The following ERBIN variants were observed in gnomAD, a reference collection of about 807,000 sequenced individuals.
ERBIN encodes erbb2 interacting protein.
ERBIN carries 60 observed loss-of-function variants against 158.4 expected under a neutral mutation model. That is an observed-to-expected ratio of 0.38 (90% CI 0.31 to 0.47). The LOEUF (loss-of-function observed/expected upper bound fraction) is 0.47. ERBIN is among the 20% of genes least tolerant of loss of function. The probability of loss-of-function intolerance (pLI) is 0.99; values close to 1 mark genes in which losing one functional copy is unlikely to be tolerated. For synonymous variants in ERBIN, 594 were observed against 557.2 expected, an observed-to-expected ratio of 1.07 and a Z score of -0.93; for missense variants, 1,610 against 1,648.0, an observed-to-expected ratio of 0.98 and a Z score of 0.40.
Position 66,043,213 on chromosome 5 carries a change from T to C in ERBIN, c.1428+15T>C, listed in dbSNP as rs946434109. 1 of 1,608,342 alleles carries C rather than the reference T, an allele frequency of 6.2e-7. No homozygotes were observed. Among genetic ancestry groups the C allele is most frequent in the Non-Finnish European group, 8.5e-7 (1 of 1,178,098 alleles). ...CACCTCCCAGGGTGAGTCTGTTCTT[T>C]ATTCTTTAAAATTTGAAACAAGTCT... On this transcript the variant is annotated intron_variant, in intron 16 of 25. Coordinates refer to ENST00000284037, the MANE Select transcript of ERBIN (RefSeq NM_001253697.2).
chr5:65,958,450 C>G (rs1747515846), intron 1 of ERBIN, among the ~76,000 whole-genome samples: 1 of 152,222 alleles, frequency 6.6e-6, no homozygotes, highest in African/African-American at 2.4e-5. Context: ...GAAACCCCGT[C>G]TCCACCAAAA....
chr5:66,016,615 C>CTTT lies in ERBIN; in HGVS notation c.533+1904_533+1906dup, dbSNP rs11323656. Among the ~76,000 whole-genome samples the CTTT allele has an allele frequency of 1.7e-3, 217 of 124,200 alleles. 2 individuals carry two copies. The highest frequency in any genetic ancestry group is 6.0e-3 in the African/African-American group (211 of 35,038). The allele number at this position is 124,200 out of a possible 152,430, so 81.5% of individuals were successfully genotyped here. Reference sequence around the variant, plus strand: ...CATTCTACTCTTATCTTCATGAGATCTTTTTTTTTTTTTTTTGAGACGGAG... The same window carrying CTTT: ...CATTCTACTCTTATCTTCATGAGATCTTTTTTTTTTTTTTTTTTTGAGACGGAG... On this transcript the variant is annotated intron_variant, in intron 7 of 25. Transcript: ENST00000284037.
At chr5:66,011,573 G>A (rs778045997) in intron 4 of ERBIN, among the ~76,000 whole-genome samples, 19 of 152,202 alleles carry the variant, frequency 1.2e-4, no homozygotes, top group Admixed American at 2.0e-4. Context: ...TGTAATCTCA[G>A]CTATTCAGGA....
intron 20 of ERBIN, 94 bp from the exon 21 acceptor site, chr5:66,053,312 A>T: frequency 1.4e-6 from 1 of 690,308 alleles, no homozygotes; most frequent in Non-Finnish European, 2.3e-6. Flanking sequence ...TAACTTTTTT[A>T]ACTTGTCTAC....
At chr5:65,957,795 G>A (rs1747374233) in intron 1 of ERBIN, among the ~76,000 whole-genome samples, 1 of 151,436 alleles carries the variant, frequency 6.6e-6, no homozygotes, top group Non-Finnish European at 1.5e-5. Flanking sequence ...GGGCGGCAGG[G>A]CAGAGGCGCA....
At position 66,044,237 on chromosome 5, in the gene ERBIN, C is replaced by A; in HGVS notation, c.1529C>A (p.Thr510Asn). 1 of 1,611,694 alleles carries A rather than the reference C, an allele frequency of 6.2e-7. No individual in the cohort carries two copies. The highest frequency in any genetic ancestry group is 8.5e-7 in the Non-Finnish European group (1 of 1,178,948). Reference protein sequence around the residue: ...TIVHRLKDEETNEDSGRDLKP... With the variant: ...TIVHRLKDEENNEDSGRDLKP... ...GTACATAGATTAAAAGATGAAGAGA[C>A]CAATGAAGACTCAGGAAGAGATTTG... Residue 510 changes from threonine (T) to asparagine (N), a missense_variant, in exon 17 of 26, where the codon ACC (threonine) becomes AAC (asparagine). This residue lies in a region of ERBIN where 596 missense variants were observed against 711.9 expected (regional missense o/e 0.84). Transcript: ENST00000284037.
At chr5:66,076,152 ATAT>A in intron 23 of ERBIN, 161 bp from the exon 24 acceptor site, 1 of 596,314 alleles carries the variant, frequency 1.7e-6, no homozygotes. Flanking sequence ...CATTAACATA[ATAT>A]TCTATGTTGT....
At chr5:66,070,910 A>G (rs10069789) in intron 21 of ERBIN, among the ~76,000 whole-genome samples, 2,674 of 152,262 alleles carry the variant, frequency 0.018, 81 homozygotes, top group African/African-American at 0.062. Context: ...TTGCATTTCT[A>G]TGTTGCTAGC....
intron 7 of ERBIN, among the ~76,000 whole-genome samples, chr5:66,015,693 C>T (rs781102548): frequency 3.3e-5 from 5 of 152,044 alleles, no homozygotes; most frequent in Admixed American, 1.3e-4. Context: ...AAAAATTAGC[C>T]GGGCACAGCA....
intron 14 of ERBIN, among the ~76,000 whole-genome samples, chr5:66,034,394 A>G (rs369214840): frequency 2.6e-4 from 39 of 151,570 alleles, no homozygotes; most frequent in African/African-American, 9.2e-4. Flanking sequence ...GGTCCAGGCA[A>G]TTTTCCTGCC....
In ERBIN at chr5:65,980,779, A is replaced by G. The variant is rs187046627; in HGVS notation, c.-57-7856A>G. Reference sequence around the variant, plus strand: ...CATTCACCAAGAAGATATGAGCCCTAAATATCTATTCACTGTATAATGAAT... The same window carrying G: ...CATTCACCAAGAAGATATGAGCCCTGAATATCTATTCACTGTATAATGAAT... On this transcript the variant is annotated intron_variant, in intron 1 of 25. Transcript: ENST00000284037. Among the ~76,000 whole-genome samples, 432 of 152,330 alleles carry G rather than the reference A, an allele frequency of 2.8e-3. 3 individuals are homozygous for G. The highest frequency in any genetic ancestry group is 0.012 in the East Asian group (62 of 5,194).
chr5:65,977,885 G>C (rs948282067), intron 1 of ERBIN, among the ~76,000 whole-genome samples: 10 of 151,780 alleles, frequency 6.6e-5, no homozygotes, highest in African/African-American at 1.2e-4. Flanking sequence ...CTGAGTGAAC[G>C]AGACTCCGTC....
intron 4 of ERBIN, among the ~76,000 whole-genome samples, chr5:66,009,676 G>A (rs1034733898): frequency 3.3e-5 from 5 of 152,148 alleles, no homozygotes; most frequent in Non-Finnish European, 5.9e-5. Flanking sequence ...GTAGATCAGT[G>A]TTCAGTGTTA....
chr5:66,053,325 A>G (rs556811607), intron 20 of ERBIN, 81 bp from the exon 21 acceptor site: 1 of 826,674 alleles, frequency 1.2e-6, no homozygotes, highest in Admixed American at 2.8e-5. Context: ...TTGTCTACCT[A>G]CACAATTTAT....
chr5:66,075,008 T>A lies in ERBIN; in HGVS notation c.3757-16T>A. On this transcript the variant is annotated splice_polypyrimidine_tract_variant and intron_variant, in intron 22 of 25. Transcript: ENST00000284037. ...ATTATTATTGGTCATTTTAAGATAC[T>A]TCATGTTTTTCTTAGATGCCTTTGA... is the stretch of plus-strand genomic sequence containing the variant. The A allele has an allele frequency of 6.2e-7, 1 of 1,611,352 alleles. No homozygotes were observed. The highest frequency in any genetic ancestry group is 8.5e-7 in the Non-Finnish European group (1 of 1,177,458).
intron 14 of ERBIN, among the ~76,000 whole-genome samples, chr5:66,031,892 A>T (rs1298983148): frequency 6.6e-6 from 1 of 152,076 alleles, no homozygotes; most frequent in Non-Finnish European, 1.5e-5. Flanking sequence ...TTACCCCTTA[A>T]GGTGGGGTTT....
intron 1 of ERBIN, among the ~76,000 whole-genome samples, chr5:65,971,937 C>T (rs1465755372): frequency 1.3e-5 from 2 of 152,196 alleles, no homozygotes; most frequent in Non-Finnish European, 2.9e-5. Flanking sequence ...GGGAGAATAG[C>T]TCTCACAACA....
intron 4 of ERBIN, among the ~76,000 whole-genome samples, chr5:66,005,374 C>G (rs566258512): frequency 6.6e-6 from 1 of 152,098 alleles, no homozygotes; most frequent in South Asian, 2.1e-4. Flanking sequence ...AAATCAGGAG[C>G]TCAGTTTTTT....
intron 17 of ERBIN, among the ~76,000 whole-genome samples, chr5:66,044,816 C>T (rs1016042835): frequency 1.3e-5 from 2 of 151,840 alleles, no homozygotes; most frequent in African/African-American, 4.8e-5. Context: ...GTGGCTCACT[C>T]CTGTTATCCC....
Sources: gnomAD v4.1 joint callset for allele counts (sites outside exome capture counted in the v4.1 genomes callset) on GRCh38, gnomAD v4.1.1 for gene constraint, gnomAD v4.1.1 regional missense constraint, MANE v1.5 for transcripts, NCBI Gene and HGNC (gene_info 2026-07-23, HGNC 2026-07-21) for gene names.